The following GDA variants were observed in gnomAD, a reference collection of about 807,000 sequenced individuals.
GDA encodes the protein guanine deaminase, also known as cytoplasmic PSD-95 interactor.
Under a neutral mutation model 59.6 loss-of-function variants are expected in GDA, and 18 were observed. The ratio of observed to expected loss-of-function variants is 0.30; its 90% CI spans 0.21 to 0.45. The LOEUF (loss-of-function observed/expected upper bound fraction) is 0.45. Among genes scored for constraint, GDA ranks in the 20% least tolerant of loss-of-function variants. GDA has a pLI of 1.00. For missense variants in GDA, 427 were observed against 552.3 expected, an observed-to-expected ratio of 0.77 and a Z score of 2.27; for synonymous variants, 201 against 201.1, an observed-to-expected ratio of 1.00 and a Z score of 0.00.
chr9:72,132,942 C>A (rs1350160302), intron 1 of GDA, among the ~76,000 whole-genome samples: 1 of 152,108 alleles, frequency 6.6e-6, no homozygotes, highest in East Asian at 1.9e-4. Flanking sequence ...AGTTGGGTAT[C>A]CCCTGTGTAA....
At chr9:72,202,532 G>A in intron 2 of GDA, 39 bp from the exon 3 acceptor site, 1 of 1,312,800 alleles carries the variant, frequency 7.6e-7, no homozygotes, top group Non-Finnish European at 1.1e-6. Context: ...AATGACTGAA[G>A]ATATTATTAA....
At chr9:72,236,332 A>G (rs1288180292) in intron 10 of GDA, among the ~76,000 whole-genome samples, 3 of 152,140 alleles carry the variant, frequency 2.0e-5, no homozygotes, top group African/African-American at 7.2e-5. Flanking sequence ...GGGATTAGAG[A>G]CAGTTATTAG....
chr9:72,144,228 C>T (rs1826542691), intron 1 of GDA, among the ~76,000 whole-genome samples: 1 of 152,024 alleles, frequency 6.6e-6, no homozygotes, highest in Non-Finnish European at 1.5e-5. Context: ...CCTCAAAATA[C>T]TAATAATATT....
chr9:72,227,162 G>A (rs1564132184), intron 8 of GDA, among the ~76,000 whole-genome samples: 2 of 152,022 alleles, frequency 1.3e-5, no homozygotes, highest in Non-Finnish European at 2.9e-5. Flanking sequence ...CCTCTCAAAG[G>A]GGAAAGCAAG....
chr9:72,223,731 T>A (rs945195971), intron 7 of GDA, among the ~76,000 whole-genome samples: 4 of 152,230 alleles, frequency 2.6e-5, no homozygotes, highest in Admixed American at 2.6e-4. Flanking sequence ...CAAAAAAGTA[T>A]ACCTTGCTTT....
At chr9:72,145,587 G>A (rs1361439952), upstream of GDA, among the ~76,000 whole-genome samples, 1 of 152,180 alleles carries the variant, frequency 6.6e-6, no homozygotes, top group Non-Finnish European at 1.5e-5. Context: ...CATGAGATGA[G>A]CAAAATGTCA....
chr9:72,210,028 T>G (rs1036994585), intron 3 of GDA, among the ~76,000 whole-genome samples: 3 of 152,174 alleles, frequency 2.0e-5, no homozygotes, highest in Non-Finnish European at 4.4e-5. Context: ...TTAAGGGTGG[T>G]TGGCTGATTT....
chr9:72,206,009 A>C (rs763614816), intron 3 of GDA, among the ~76,000 whole-genome samples: 15 of 152,154 alleles, frequency 9.9e-5, no homozygotes, highest in Non-Finnish European at 2.1e-4. Flanking sequence ...AGGTGCTTAA[A>C]ATTTTGAAAA....
At chr9:72,143,290 C>T (rs144801754) in intron 1 of GDA, among the ~76,000 whole-genome samples, 213 of 149,682 alleles carry the variant, frequency 1.4e-3, no homozygotes, top group African/African-American at 4.9e-3. Context: ...CCACCATGCC[C>T]GGCTAATTTT....
intron 1 of GDA, among the ~76,000 whole-genome samples, chr9:72,132,646 A>C (rs886768532): frequency 1.3e-5 from 2 of 152,152 alleles, no homozygotes; most frequent in Admixed American, 6.5e-5. Flanking sequence ...CTGTACCCCC[A>C]AAAATGCCCC....
At chr9:72,147,119 A>G (rs1203917001), upstream of GDA, among the ~76,000 whole-genome samples, 1 of 152,166 alleles carries the variant, frequency 6.6e-6, no homozygotes, top group East Asian at 1.9e-4. Context: ...AACAACACAC[A>G]TTGTTTGATG....
intron 1 of GDA, among the ~76,000 whole-genome samples, chr9:72,139,301 T>C (rs931446518): frequency 4.0e-5 from 5 of 125,158 alleles, no homozygotes; most frequent in Non-Finnish European, 4.9e-5. Flanking sequence ...GACATTGTTA[T>C]ATTATATGTT....
intron 1 of GDA, among the ~76,000 whole-genome samples, chr9:72,192,609 C>T (rs931865180): frequency 2.0e-5 from 3 of 151,208 alleles, no homozygotes; most frequent in Admixed American, 2.0e-4. Flanking sequence ...GGGCCGGGCA[C>T]ATTGCCTCAC....
At chr9:72,147,059 A>T (rs1441795059), upstream of GDA, among the ~76,000 whole-genome samples, 1 of 152,206 alleles carries the variant, frequency 6.6e-6, no homozygotes, top group Non-Finnish European at 1.5e-5. Flanking sequence ...TAACAACATT[A>T]AAAAAATCAA....
At chr9:72,227,629 A>C (rs1837758868) in intron 8 of GDA, among the ~76,000 whole-genome samples, 2 of 152,184 alleles carry the variant, frequency 1.3e-5, no homozygotes, top group South Asian at 4.1e-4. Flanking sequence ...AAATCATGTT[A>C]TCTTCCATCT....
rs1341306865 is a variant in GDA, at chr9:72,251,983, C to T, written c.*3641C>T. ...GGTAACAGAAGTTATTCTTAGCTTA[C>T]CTGTTATGTGACAGTGATTTACCTG... On this transcript the variant is annotated 3_prime_UTR_variant, in exon 14 of 14. Transcript: ENST00000358399. The T allele has an allele frequency of 2.6e-5, 4 of 152,408 alleles. No individual in the cohort carries two copies. Among genetic ancestry groups the T allele is most frequent in the African/African-American group, 4.8e-5 (2 of 41,432 alleles). The allele number at this position is 152,408 out of a possible 1,614,324, so 9.4% of individuals were successfully genotyped here.
chr9:72,124,259 G>A (rs1308861355), intron 1 of GDA, among the ~76,000 whole-genome samples: 1 of 152,216 alleles, frequency 6.6e-6, no homozygotes, highest in Non-Finnish European at 1.5e-5. Flanking sequence ...ATCAAAGAAA[G>A]CAAAGTGTTA....
Position 72,241,175 on chromosome 9 carries a change from T to A in GDA, c.1012T>A (p.Ser338Thr). Residue 338 changes from serine to threonine, a missense_variant, in exon 11 of 14, where the codon TCC (serine) becomes ACC (threonine). Physicochemically the swap from Ser to Thr is moderately conservative, Grantham distance 58. Coordinates refer to ENST00000358399, the MANE Select transcript of GDA (RefSeq NM_004293.5). ...GTDVAGGYSY[S>T]MLDAIRRAVM... ...AGACGTGGCTGGTGGCTATTCATAT[T>A]CCATGCTTGATGCAATCAGAAGAGC... 2 of 1,605,546 alleles carry A rather than the reference T, an allele frequency of 1.2e-6. No individual in the cohort carries two copies. The highest frequency in any genetic ancestry group is 1.7e-6 in the Non-Finnish European group (2 of 1,173,578).
At chr9:72,258,519 T>TGG (rs1474300667), downstream of GDA, among the ~76,000 whole-genome samples, 1 of 152,154 alleles carries the variant, frequency 6.6e-6, no homozygotes, top group Admixed American at 6.5e-5. Context: ...AAGTTACCAC[T>TGG]GGGGGAGAGT....
Sources: gnomAD v4.1 joint callset for allele counts (sites outside exome capture counted in the v4.1 genomes callset) on GRCh38, gnomAD v4.1.1 for gene constraint, MANE v1.5 for transcripts, NCBI Gene and HGNC (gene_info 2026-07-23, HGNC 2026-07-21) for gene names.